The following SLC9A2 variants were observed in gnomAD, a reference collection of about 807,000 sequenced individuals.
SLC9A2 encodes sodium/hydrogen exchanger 2.
Under a neutral mutation model 71.7 loss-of-function variants are expected in SLC9A2, and 42 were observed. That is an observed-to-expected ratio of 0.59 (90% CI 0.46 to 0.76). The LOEUF (loss-of-function observed/expected upper bound fraction) is 0.76. Ranked by LOEUF, SLC9A2 falls within the 30% of genes least tolerant of loss-of-function variation. The probability of loss-of-function intolerance (pLI) is 0.00; values close to 1 mark genes in which losing one functional copy is unlikely to be tolerated. For synonymous variants in SLC9A2, 396 were observed against 392.5 expected, an observed-to-expected ratio of 1.01 and a Z score of -0.10; for missense variants, 829 against 1,017.4, an observed-to-expected ratio of 0.81 and a Z score of 2.52.
At chr2:102,639,984 T>A (rs1438590787) in intron 1 of SLC9A2, among the ~76,000 whole-genome samples, 1 of 152,146 alleles carries the variant, frequency 6.6e-6, no homozygotes, top group Non-Finnish European at 1.5e-5. Flanking sequence ...TAATTAAAGA[T>A]CAGAGAAAAC....
At chr2:102,632,017 TATATATATATATATATATATAC>T (rs1676366397) in intron 1 of SLC9A2, among the ~76,000 whole-genome samples, 7 of 126,818 alleles carry the variant, frequency 5.5e-5, no homozygotes, top group African/African-American at 1.9e-4. Context: ...TATATATATA[TATATATATATATATATATATAC>T]ATACACACAC....
chr2:102,697,458 T>C (rs1677788332), intron 7 of SLC9A2: 2 of 151,950 alleles, frequency 1.3e-5, no homozygotes, highest in South Asian at 2.1e-4. Context: ...CCTTGCTCCA[T>C]GCCTGAAAGG....
chr2:102,619,929 G>A lies in SLC9A2; in HGVS notation c.81G>A (p.Gly27=), dbSNP rs199622272. ...TGCTGCTGCTCCTGCAGGTGGCGGG[G>A]CCCGTGGGCGCCCTGGCGGAGACCT... ...MLLLLLLQVA[G]PVGALAETLL... The change falls in exon 1 of 12, where the codon GGG becomes GGA. Residue 27 remains glycine (G), a synonymous_variant. Coordinates refer to ENST00000233969, the MANE Select transcript of SLC9A2 (RefSeq NM_003048.6). This position sits in a 1 kb window ranked among gnomAD's most constrained non-coding sequence, Gnocchi z 4.3. 138 of 1,605,034 alleles carry A rather than the reference G, an allele frequency of 8.6e-5. No homozygotes were observed. The East Asian group carries it at 2.8e-3, about 33-fold the overall frequency.
chr2:102,623,390 A>G (rs2104494011), intron 1 of SLC9A2, among the ~76,000 whole-genome samples: 1 of 152,262 alleles, frequency 6.6e-6, no homozygotes, highest in South Asian at 2.1e-4. Flanking sequence ...ATTCGTCTGC[A>G]TAGAGCCCAG....
chr2:102,657,513 C>T, intron 1 of SLC9A2, 51 bp from the exon 2 acceptor site: 1 of 1,311,282 alleles, frequency 7.6e-7, no homozygotes, highest in Non-Finnish European at 1.0e-6. Context: ...TTTCCTGTCT[C>T]CCAAATTCCT....
In SLC9A2 at chr2:102,708,714, C is replaced by A. The variant is rs1035260621; in HGVS notation, c.*225C>A. 7 of 479,898 alleles carry A rather than the reference C, an allele frequency of 1.5e-5. No individual in the cohort carries two copies. In the Admixed American group the frequency reaches 1.9e-4, roughly 13 times the overall value. 29.7% of individuals were successfully genotyped at this position (479,898 alleles called of 1,614,324 possible). On this transcript the variant is annotated 3_prime_UTR_variant, in exon 12 of 12. Coordinates refer to ENST00000233969, the MANE Select transcript of SLC9A2 (RefSeq NM_003048.6). Reference sequence around the variant, plus strand: ...CCTTTTGTGACTAATGGGTAGCAATCGTATTATTTGCTGGCCTGAAGAGAA... The same window carrying A: ...CCTTTTGTGACTAATGGGTAGCAATAGTATTATTTGCTGGCCTGAAGAGAA...
chr2:102,707,938 G>A (rs761150426), intron 11 of SLC9A2, among the ~76,000 whole-genome samples, 181 bp from the exon 12 acceptor site: 8 of 152,184 alleles, frequency 5.3e-5, no homozygotes, highest in Non-Finnish European at 1.2e-4. Context: ...GGGTATGGGT[G>A]CTCCCAGGGG....
intron 1 of SLC9A2, among the ~76,000 whole-genome samples, chr2:102,632,035 T>TAC (rs1396485620): frequency 1.4e-4 from 11 of 80,270 alleles, no homozygotes; most frequent in East Asian, 3.9e-4. Context: ...TATATATATA[T>TAC]ATACATACAC....
chr2:102,634,303 C>CT (rs1275070290), intron 1 of SLC9A2, among the ~76,000 whole-genome samples: 1 of 152,082 alleles, frequency 6.6e-6, no homozygotes, highest in Non-Finnish European at 1.5e-5. Context: ...ATTGGATATA[C>CT]TTTTAGTGGT....
chr2:102,708,430 G>T lies in SLC9A2; in HGVS notation c.2380G>T (p.Val794Phe), dbSNP rs897223216. Reference sequence around the variant, plus strand: ...CCCGCCCAAGCCGCCACCACGGCTGGTCTGGAGGGCATCGGAACCTGGAAG... The same window carrying T: ...CCCGCCCAAGCCGCCACCACGGCTGTTCTGGAGGGCATCGGAACCTGGAAG... Reference protein sequence around the residue: ...GIPPKPPPRLVWRASEPGSRK... With the variant: ...GIPPKPPPRLFWRASEPGSRK... Residue 794 changes from valine to phenylalanine, a missense_variant, in exon 12 of 12, where the codon GTC becomes TTC. Physicochemically the swap from Val to Phe is conservative, Grantham distance 50. Coordinates refer to ENST00000233969, the MANE Select transcript of SLC9A2 (RefSeq NM_003048.6). 3.3e-5 allele frequency: 53 copies of T among 1,614,100 alleles called. No homozygotes were observed. Among genetic ancestry groups the T allele is most frequent in the Non-Finnish European group, 4.5e-5 (53 of 1,180,058 alleles).
rs760269663 is a variant in SLC9A2, at chr2:102,708,364, C to T, written c.2314C>T (p.Gln772Ter). The change falls in exon 12 of 12, where the codon CAG (glutamine) becomes TAG (stop). Residue 772 changes from glutamine to a stop codon, truncating the protein, a stop_gained. Coordinates refer to ENST00000233969, the MANE Select transcript of SLC9A2 (RefSeq NM_003048.6). LOFTEE classifies it low-confidence loss of function (END_TRUNC). ...ACAGCAGCCCCTTCTCTCTAAAGAC[C>T]AGTCTGGCTCAGAGAGGGAAGACAG... ...LLQQPLLSKD[Q>*]SGSEREDSLT... 1 of 1,614,224 alleles carries T rather than the reference C, an allele frequency of 6.2e-7. No individual in the cohort carries two copies. Among genetic ancestry groups the T allele is most frequent in the East Asian group, 2.2e-5 (1 of 44,882 alleles).
chr2:102,657,030 C>G (rs1287267822), intron 1 of SLC9A2, among the ~76,000 whole-genome samples: 3 of 152,090 alleles, frequency 2.0e-5, no homozygotes, highest in Non-Finnish European at 4.4e-5. Context: ...CATGGCAAAA[C>G]CCCGTCTCTA....
At chr2:102,678,088 G>A (rs1441598024) in intron 3 of SLC9A2, among the ~76,000 whole-genome samples, 4 of 152,278 alleles carry the variant, frequency 2.6e-5, no homozygotes, top group South Asian at 2.1e-4. Context: ...GTCACCCTTT[G>A]CTTTCCTGCA....
At chr2:102,686,548 C>A (rs758246074) in intron 5 of SLC9A2, 2 of 152,240 alleles carry the variant, frequency 1.3e-5, no homozygotes, top group Non-Finnish European at 2.9e-5. Context: ...ATTATCAACA[C>A]CTTTCTGCTT....
intron 1 of SLC9A2, among the ~76,000 whole-genome samples, chr2:102,646,875 A>G (rs1464980452): frequency 6.6e-6 from 1 of 151,622 alleles, no homozygotes; most frequent in African/African-American, 2.4e-5. Flanking sequence ...TAATAGTGGG[A>G]AACTTTAATA....
rs913374811 is a variant in SLC9A2 at position 102,694,467 on chromosome 2, G to C, written c.1479G>C (p.Lys493Asn). Reference sequence around the variant, plus strand: ...TTCTTGATGTCAAGAGGTCCAATAAGAAACAACAAGCTGTCAGTGAAGAAA... The same window carrying C: ...TTCTTGATGTCAAGAGGTCCAATAACAAACAACAAGCTGTCAGTGAAGAAA... ...VEFLDVKRSN[K>N]KQQAVSEEIY... Residue 493 changes from lysine (K) to asparagine (N), a missense_variant, in exon 6 of 12, where the codon AAG becomes AAC. Physicochemically the swap from Lys to Asn is moderately conservative, Grantham distance 94. Around this residue, in one of 3 missense-constraint regions of SLC9A2, gnomAD observed 500 missense variants for 726.3 expected, o/e 0.69. Transcript: ENST00000233969. The C allele has an allele frequency of 6.5e-7, 1 of 1,543,882 alleles. No homozygotes were observed. The highest frequency in any genetic ancestry group is 8.8e-7 in the Non-Finnish European group (1 of 1,134,982).
At chr2:102,704,326 T>G (rs924640190) in intron 9 of SLC9A2, among the ~76,000 whole-genome samples, 1 of 151,702 alleles carries the variant, frequency 6.6e-6, no homozygotes, top group African/African-American at 2.4e-5. Flanking sequence ...AAAAGAAAAA[T>G]AAAAAAACAC....
intron 1 of SLC9A2, among the ~76,000 whole-genome samples, chr2:102,621,209 A>G (rs923756141): frequency 1.3e-5 from 2 of 151,798 alleles, no homozygotes; most frequent in African/African-American, 2.4e-5. Flanking sequence ...TGTGGTGCAC[A>G]TATGTATTCC....
chr2:102,701,923 C>T (rs188868345), intron 8 of SLC9A2, among the ~76,000 whole-genome samples: 1 of 152,088 alleles, frequency 6.6e-6, no homozygotes, highest in Admixed American at 6.6e-5. Context: ...TCAATATTAG[C>T]AAGTAGGTGA....
Sources: gnomAD v4.1 joint callset for allele counts (sites outside exome capture counted in the v4.1 genomes callset) on GRCh38, gnomAD v4.1.1 for gene constraint, gnomAD v4.1.1 regional missense constraint, Gnocchi (gnomAD v3.1) non-coding constraint, MANE v1.5 for transcripts, NCBI Gene and HGNC (gene_info 2026-07-23, HGNC 2026-07-21) for gene names.